The following PTPRJ variants were observed in gnomAD, a reference collection of about 807,000 sequenced individuals.
The protein encoded by PTPRJ is receptor-type tyrosine-protein phosphatase eta.
In PTPRJ, 129 loss-of-function variants were observed where a neutral mutation model predicts 141.3. The ratio of observed to expected loss-of-function variants is 0.91; its 90% CI spans 0.79 to 1.06. The LOEUF is 1.06. Ranked by LOEUF, PTPRJ falls within the 50% of genes least tolerant of loss-of-function variation. PTPRJ has a pLI of 0.00. For missense variants in PTPRJ, 1,601 were observed against 1,679.7 expected (o/e 0.95, Z 0.82); for synonymous variants, 610 against 640.5 (o/e 0.95, Z 0.72).
intron 1 of PTPRJ, among the ~76,000 whole-genome samples, chr11:48,109,431 A>G (rs1315765021): frequency 2.3e-4 from 35 of 152,190 alleles, no homozygotes; most frequent in Non-Finnish European, 1.5e-5. Flanking sequence ...CCCAGCTGAC[A>G]CTGTCAGCTA....
At chr11:48,141,319 A>G (rs1857224525) in intron 11 of PTPRJ, among the ~76,000 whole-genome samples, 1 of 152,080 alleles carries the variant, frequency 6.6e-6, no homozygotes, top group South Asian at 2.1e-4. Context: ...GAGTGGCTCC[A>G]TACCCTGGCT....
chr11:47,991,472 CG>C (rs1399941072), intron 1 of PTPRJ, among the ~76,000 whole-genome samples: 1 of 152,120 alleles, frequency 6.6e-6, no homozygotes, highest in Non-Finnish European at 1.5e-5. Context: ...TTGCGGGAGA[CG>C]GGAGGCTGAG....
intron 1 of PTPRJ, among the ~76,000 whole-genome samples, chr11:47,983,647 T>G (rs1853971999): frequency 6.6e-6 from 1 of 152,236 alleles, no homozygotes; most frequent in African/African-American, 2.4e-5. Flanking sequence ...AGTGTCTGAC[T>G]CCTCCCATTC....
chr11:48,082,517 G>A (rs1187866534), intron 1 of PTPRJ, among the ~76,000 whole-genome samples: 1 of 149,950 alleles, frequency 6.7e-6, no homozygotes, highest in African/African-American at 2.4e-5. Flanking sequence ...CTGGGCTTAA[G>A]CCATTCTCCT....
chr11:48,022,128 C>T (rs1359145823), intron 1 of PTPRJ, among the ~76,000 whole-genome samples: 1 of 152,092 alleles, frequency 6.6e-6, no homozygotes, highest in East Asian at 1.9e-4. Flanking sequence ...AAGAGGGGTG[C>T]CTCAGGCCCA....
chr11:48,073,329 G>T (rs1401904010), intron 1 of PTPRJ, among the ~76,000 whole-genome samples: 3 of 152,222 alleles, frequency 2.0e-5, no homozygotes, highest in African/African-American at 7.2e-5. Context: ...GAGATCCCCG[G>T]AGGTGCAGCT....
At chr11:48,159,081 G>C (rs879542291) in intron 21 of PTPRJ, among the ~76,000 whole-genome samples, 1 of 122,328 alleles carries the variant, frequency 8.2e-6, no homozygotes, top group Non-Finnish European at 1.8e-5. Flanking sequence ...GTGTGTGTGC[G>C]TGTGTGTGTA....
intron 1 of PTPRJ, among the ~76,000 whole-genome samples, chr11:48,053,945 T>G (rs1275981692): frequency 1.4e-5 from 2 of 147,054 alleles, no homozygotes; most frequent in African/African-American, 2.6e-5. Context: ...TTTTTTTTTT[T>G]TTTTGAGACG....
At chr11:48,163,430 GGA>G (rs748334187) in intron 22 of PTPRJ, 26 bp from the exon 23 acceptor site, 2 of 1,599,990 alleles carry the variant, frequency 1.3e-6, no homozygotes, top group African/African-American at 2.7e-5. Context: ...CTTTCTGTCT[GGA>G]TCTAAATCAT....
intron 18 of PTPRJ, among the ~76,000 whole-genome samples, chr11:48,151,236 C>A (rs1487070588): frequency 1.3e-5 from 2 of 152,178 alleles, no homozygotes; most frequent in African/African-American, 2.4e-5. Flanking sequence ...AACCTCTGGG[C>A]AGCGCCCTTC....
In PTPRJ at chr11:48,167,070, G is replaced by A. The variant is rs373473662; in HGVS notation, c.3856-134G>A. 88 of 739,120 alleles carry A rather than the reference G, an allele frequency of 1.2e-4. No individual in the cohort carries two copies. The African/African-American group carries it at 1.3e-3, about 11-fold the overall frequency. The allele number at this position is 739,120 out of a possible 1,614,324, so 45.8% of individuals were successfully genotyped here. ...TGTTGTTACCTCTTGAAACATGTTC[G>A]CTTGAACCGTTTGCTGTTGGGTGGA... On this transcript the variant is annotated intron_variant, in intron 24 of 24. Transcript: ENST00000418331.
chr11:48,155,569 C>T (rs982920602), intron 19 of PTPRJ, among the ~76,000 whole-genome samples: 2 of 152,042 alleles, frequency 1.3e-5, no homozygotes, highest in East Asian at 3.9e-4. Context: ...AAATCCTGGC[C>T]CTGCCACTCA....
At chr11:48,150,750 A>G (rs1857462256) in intron 18 of PTPRJ, among the ~76,000 whole-genome samples, 1 of 152,190 alleles carries the variant, frequency 6.6e-6, no homozygotes, top group African/African-American at 2.4e-5. Flanking sequence ...TCAGTTCCCC[A>G]TGCTGTGCTC....
intron 4 of PTPRJ, among the ~76,000 whole-genome samples, chr11:48,122,329 G>A (rs899179965): frequency 6.6e-6 from 1 of 152,190 alleles, no homozygotes; most frequent in Admixed American, 6.5e-5. Flanking sequence ...GTGACCCCGA[G>A]GGGGTGGCTG....
intron 7 of PTPRJ, 69 bp from the exon 8 acceptor site, chr11:48,130,390 C>A: frequency 1.4e-6 from 2 of 1,454,338 alleles, no homozygotes; most frequent in South Asian, 2.6e-5. Context: ...TCAGTATTTT[C>A]TGAGGTGGGG....
intron 1 of PTPRJ, among the ~76,000 whole-genome samples, chr11:47,990,779 G>A (rs565022590): frequency 6.7e-6 from 1 of 148,820 alleles, no homozygotes; most frequent in Non-Finnish European, 1.5e-5. Context: ...TCCACCTCCC[G>A]GGTTCACGCC....
chr11:48,142,499 T>G (rs980024529), intron 11 of PTPRJ, among the ~76,000 whole-genome samples: 18 of 147,348 alleles, frequency 1.2e-4, no homozygotes, highest in African/African-American at 4.9e-4. Flanking sequence ...CATGTATTTG[T>G]GTATTTGTAT....
intron 1 of PTPRJ, among the ~76,000 whole-genome samples, chr11:47,989,351 C>T (rs1198206285): frequency 2.0e-5 from 3 of 151,422 alleles, no homozygotes; most frequent in Non-Finnish European, 4.4e-5. Context: ...ACTGCAACCT[C>T]CACCTCCCAG....
chr11:48,156,575 G>GT lies in PTPRJ; in HGVS notation c.3438+456_3438+457insT, dbSNP rs1565332039. On this transcript the variant is annotated intron_variant, in intron 21 of 24. Coordinates refer to ENST00000418331, the MANE Select transcript of PTPRJ (RefSeq NM_002843.4). ...TGAACCCCTCCTGCCTCCACCCCAG[G>GT]GTTTTTTTTTTTTTTTTTTTTTTTT... Among the ~76,000 whole-genome samples the GT allele has an allele frequency of 8.9e-4, 110 of 123,508 alleles. 15 individuals are homozygous for GT. Among genetic ancestry groups the GT allele is most frequent in the African/African-American group, 3.3e-3 (108 of 33,060 alleles). 81.0% of individuals were successfully genotyped at this position (123,508 alleles called of 152,430 possible). A position where few individuals can be genotyped will look rare whatever the true frequency, so the allele number is the denominator to read the frequency against.
Sources: gnomAD v4.1 joint callset for allele counts (sites outside exome capture counted in the v4.1 genomes callset) on GRCh38, gnomAD v4.1.1 for gene constraint, MANE v1.5 for transcripts, NCBI Gene and HGNC (gene_info 2026-07-23, HGNC 2026-07-21) for gene names.